The following NELL1 variants were observed in gnomAD, a reference collection of about 807,000 sequenced individuals.
The protein encoded by NELL1 is protein kinase C-binding protein NELL1.
In NELL1, 76 loss-of-function variants were observed where a neutral mutation model predicts 107.4. The observed-to-expected ratio is 0.71, with a 90% CI of 0.59 to 0.86. The LOEUF is 0.86. Among genes scored for constraint, NELL1 ranks in the 40% least tolerant of loss-of-function variants. The pLI, the probability that NELL1 is intolerant of heterozygous loss-of-function variation, is 0.00. For synonymous variants in NELL1, 353 were observed against 341.2 expected (o/e 1.03, Z -0.38); for missense variants, 1,024 against 1,005.5 (o/e 1.02, Z -0.25).
At chr11:21,410,672 C>A (rs1590911086) in intron 15 of NELL1, among the ~76,000 whole-genome samples, 1 of 151,900 alleles carries the variant, frequency 6.6e-6, no homozygotes, top group African/African-American at 2.4e-5. Flanking sequence ...TAATCTCTAC[C>A]TATTTAAAAG....
chr11:20,862,563 T>C (rs1275898679), intron 4 of NELL1, among the ~76,000 whole-genome samples: 1 of 149,152 alleles, frequency 6.7e-6, no homozygotes, highest in Admixed American at 6.7e-5. Flanking sequence ...CATAGTAACG[T>C]ACAGAATAGT....
intron 13 of NELL1, among the ~76,000 whole-genome samples, chr11:21,224,889 T>C (rs963027433): frequency 5.3e-5 from 8 of 152,336 alleles, no homozygotes; most frequent in African/African-American, 1.7e-4. Flanking sequence ...GAAATGTCTG[T>C]GTTCTCTTGT....
At chr11:20,960,599 G>C in intron 12 of NELL1, 39 bp downstream of exon 12, 1 of 1,611,366 alleles carries the variant, frequency 6.2e-7, no homozygotes, top group South Asian at 1.1e-5. Flanking sequence ...GTGAGAGGTT[G>C]ACTGAGAAGT....
rs4526771 is a variant in NELL1 at position 20,862,024 on chromosome 11, C to T, written c.506+14271C>T. ...TTTACTTTAGAAGTTTAGATAAAGC[C>T]GTGCCTGGGATGAGTCAGTAGCTCA... is the stretch of plus-strand genomic sequence containing the variant. On this transcript the variant is annotated intron_variant, in intron 4 of 19. Transcript: ENST00000357134. Among the ~76,000 whole-genome samples, 542 of 152,280 alleles carry T rather than the reference C, an allele frequency of 3.6e-3. 3 individuals are homozygous for T. Among genetic ancestry groups the T allele is most frequent in the African/African-American group, 0.012 (506 of 41,568 alleles).
At chr11:21,136,785 T>C (rs576737108) in intron 13 of NELL1, among the ~76,000 whole-genome samples, 95 of 152,308 alleles carry the variant, frequency 6.2e-4, no homozygotes, top group African/African-American at 2.2e-3. Flanking sequence ...GTGTCCACTT[T>C]TTTTTAGAGT....
intron 5 of NELL1, among the ~76,000 whole-genome samples, chr11:20,895,087 C>A (rs1306027404): frequency 1.4e-5 from 2 of 143,796 alleles, no homozygotes; most frequent in African/African-American, 5.6e-5. Flanking sequence ...CCGGCTAAAA[C>A]GGTGAAACCC....
intron 14 of NELL1, among the ~76,000 whole-genome samples, chr11:21,316,847 G>A (rs935135071): frequency 1.3e-5 from 2 of 152,084 alleles, no homozygotes; most frequent in South Asian, 2.1e-4. Context: ...GTAGAGCTGG[G>A]GAAGAGGCAG....
intron 12 of NELL1, among the ~76,000 whole-genome samples, chr11:21,067,564 A>G (rs1853906342): frequency 6.6e-6 from 1 of 152,182 alleles, no homozygotes; most frequent in Admixed American, 6.6e-5. Context: ...AATTTTACAG[A>G]GAGGAAGTTC....
intron 14 of NELL1, among the ~76,000 whole-genome samples, chr11:21,288,298 T>C (rs903126635): frequency 2.6e-5 from 4 of 152,204 alleles, no homozygotes; most frequent in Non-Finnish European, 5.9e-5. Context: ...AGCCCTCAAG[T>C]CAGTAAAACA....
At chr11:20,896,350 C>T (rs1488552609) in intron 5 of NELL1, among the ~76,000 whole-genome samples, 2 of 152,158 alleles carry the variant, frequency 1.3e-5, no homozygotes, top group Non-Finnish European at 2.9e-5. Flanking sequence ...TTTATATATA[C>T]ATGCCACAAT....
intron 12 of NELL1, among the ~76,000 whole-genome samples, chr11:21,105,549 T>A (rs1854932177): frequency 6.6e-6 from 1 of 152,146 alleles, no homozygotes; most frequent in Admixed American, 6.5e-5. Flanking sequence ...TGGACATGCC[T>A]AGGGCCCGGA....
chr11:20,779,309 A>T (rs1856810791), intron 2 of NELL1, among the ~76,000 whole-genome samples: 1 of 152,176 alleles, frequency 6.6e-6, no homozygotes, highest in African/African-American at 2.4e-5. Flanking sequence ...ATCCCATTGT[A>T]CTTGTAAGTA....
At chr11:20,683,184 C>G (rs1854229903) in intron 2 of NELL1, among the ~76,000 whole-genome samples, 1 of 151,546 alleles carries the variant, frequency 6.6e-6, no homozygotes. Context: ...AGCTATAACT[C>G]TTTGTTTTGC....
At chr11:20,786,977 C>T (rs1049311642) in intron 3 of NELL1, among the ~76,000 whole-genome samples, 1 of 117,412 alleles carries the variant, frequency 8.5e-6, no homozygotes, top group Non-Finnish European at 1.6e-5. Flanking sequence ...CACTGCACTC[C>T]AGCCTAGGCG....
intron 12 of NELL1, among the ~76,000 whole-genome samples, chr11:21,102,293 G>T (rs1216012980): frequency 2.0e-5 from 3 of 152,142 alleles, no homozygotes; most frequent in African/African-American, 7.2e-5. Context: ...GCCCTTTGGG[G>T]AACCACAGAC....
intron 12 of NELL1, among the ~76,000 whole-genome samples, chr11:21,053,557 G>A (rs1030954280): frequency 2.0e-5 from 3 of 152,160 alleles, no homozygotes; most frequent in African/African-American, 7.2e-5. Flanking sequence ...ACAGAGGGAT[G>A]CACTCAGTAC....
intron 13 of NELL1, among the ~76,000 whole-genome samples, chr11:21,191,480 A>G (rs548400717): frequency 6.6e-6 from 1 of 152,070 alleles, no homozygotes; most frequent in African/African-American, 2.4e-5. Flanking sequence ...TAGCCCAGTG[A>G]GACCCATTTT....
At chr11:20,779,621 A>G (rs578106369) in intron 2 of NELL1, among the ~76,000 whole-genome samples, 1 of 152,362 alleles carries the variant, frequency 6.6e-6, no homozygotes. Context: ...GCTGCAAAGT[A>G]GGTGACATAT....
At chr11:21,164,346 TAGA>T (rs778520628) in intron 13 of NELL1, among the ~76,000 whole-genome samples, 11 of 152,308 alleles carry the variant, frequency 7.2e-5, no homozygotes, top group Admixed American at 1.3e-4. Context: ...ATGGCTAAGT[TAGA>T]AGAAGTTAGT....
Sources: allele counts gnomAD v4.1 joint callset (sites outside exome capture counted in the v4.1 genomes callset), GRCh38; gene constraint gnomAD v4.1.1; transcripts MANE v1.5; gene names NCBI Gene and HGNC (gene_info 2026-07-23, HGNC 2026-07-21).